Variants in ABCB1 observed in about 807,000 individuals in gnomAD.
ABCB1 encodes the protein ATP-dependent translocase ABCB1.
ABCB1 carries 69 observed loss-of-function variants against 142.0 expected under a neutral mutation model. The ratio of observed to expected loss-of-function variants is 0.49; its 90% CI spans 0.40 to 0.59. The LOEUF (loss-of-function observed/expected upper bound fraction) is 0.59, where lower values mean the gene tolerates loss of function less well. ABCB1 is among the 20% of genes least tolerant of loss of function. ABCB1 has a pLI of 0.00. For missense variants in ABCB1, 1,326 were observed against 1,554.7 expected (o/e 0.85, Z 2.47); for synonymous variants, 532 against 539.2 (o/e 0.99, Z 0.18).
At chr7:87,608,769 T>C (rs1819749122) in intron 1 of ABCB1, among the ~76,000 whole-genome samples, 2 of 152,244 alleles carry the variant, frequency 1.3e-5, no homozygotes, top group Non-Finnish European at 2.9e-5. Context: ...TAACGTTCAC[T>C]CACTTATTTC....
chr7:87,520,802 A>G lies in ABCB1; in HGVS notation c.2760T>C (p.Tyr920=), dbSNP rs1393337469. Residue 920 remains tyrosine, a synonymous_variant, in exon 22 of 28, where the codon TAT becomes TAC. Transcript: ENST00000622132. ...TGTATGGTACCTGCAAACTCTGAGC[A>G]TACATATGTTCAAACTTCTGCTCCT... ...LTQEQKFEHM[Y]AQSLQVPYRN... is the part of the protein sequence containing the mutation. The G allele has an allele frequency of 1.2e-6, 2 of 1,613,976 alleles. No individual in the cohort carries two copies. The highest frequency in any genetic ancestry group is 1.1e-5 in the South Asian group (1 of 91,082).
Position 87,704,816 on chromosome 7 carries a change from A to C in ABCB1, c.-331+8345T>G, listed in dbSNP as rs193268516. 4.6e-5 allele frequency among the ~76,000 whole-genome samples: 7 copies of C among 152,340 alleles called. No individual in the cohort carries two copies. In the East Asian group the frequency reaches 1.3e-3, roughly 29 times the overall value. On this transcript the variant is annotated intron_variant, in intron 1 of 28. Coordinates refer to the ABCB1 transcript ENST00000265724. ...TACCTCTCTTTATTCATTGCAATGA[A>C]AAGAGCAGTTTACTTAATCTACTCA...
At chr7:87,710,687 A>G in intron 1 of ABCB1, 1 of 1,198,714 alleles carries the variant, frequency 8.3e-7, no homozygotes, top group Non-Finnish European at 1.2e-6. Flanking sequence ...TCTAATATAT[A>G]TTTGAAAGAA....
intron 18 of ABCB1, among the ~76,000 whole-genome samples, chr7:87,539,740 A>G (rs1404518620): frequency 2.0e-5 from 3 of 152,132 alleles, no homozygotes; most frequent in Non-Finnish European, 2.9e-5. Flanking sequence ...GCATTTTGCT[A>G]TCTCTAGACT....
intron 24 of ABCB1, 54 bp from the exon 25 acceptor site, chr7:87,515,482 T>C: frequency 6.5e-7 from 1 of 1,532,644 alleles, no homozygotes; most frequent in South Asian, 1.1e-5. Flanking sequence ...GAAAATAAAG[T>C]GTATAGCTAA....
intron 4 of ABCB1, among the ~76,000 whole-genome samples, chr7:87,579,392 T>G (rs1818411412): frequency 6.6e-6 from 1 of 152,192 alleles, no homozygotes; most frequent in Admixed American, 6.5e-5. Context: ...TTATGAATGT[T>G]CCTTCTATAC....
intron 4 of ABCB1, 58 bp downstream of exon 4, chr7:87,585,454 C>T: frequency 1.9e-6 from 3 of 1,569,146 alleles, no homozygotes; most frequent in Middle Eastern, 1.7e-4. Context: ...AAACATCACT[C>T]TAAGTGCTTG....
At chr7:87,636,686 A>G (rs945708148) in intron 1 of ABCB1, among the ~76,000 whole-genome samples, 4 of 152,168 alleles carry the variant, frequency 2.6e-5, no homozygotes, top group Non-Finnish European at 5.9e-5. Flanking sequence ...TTATTTTTAC[A>G]TTTATATCAA....
At chr7:87,705,103 C>A (rs1307092498) in intron 1 of ABCB1, among the ~76,000 whole-genome samples, 4 of 152,100 alleles carry the variant, frequency 2.6e-5, no homozygotes, top group Non-Finnish European at 5.9e-5. Context: ...AGCTTGTCAC[C>A]ATGGACAATC....
At chr7:87,689,389 A>G (rs550873210) in intron 1 of ABCB1, among the ~76,000 whole-genome samples, 128 of 152,180 alleles carry the variant, frequency 8.4e-4, no homozygotes, top group African/African-American at 3.0e-3. Context: ...GCATAGAGCA[A>G]TTTGCAGTAC....
Position 87,520,909 on chromosome 7 carries a change from C to A in ABCB1, c.2686-33G>T, listed in dbSNP as rs1412144982. 3 of 1,516,006 alleles carry A rather than the reference C, an allele frequency of 2.0e-6. No homozygotes were observed. The African/African-American group carries it at 4.1e-5, about 21-fold the overall frequency. The allele number at this position is 1,516,006 out of a possible 1,614,324, so 93.9% of individuals were successfully genotyped here. On this transcript the variant is annotated intron_variant, in intron 21 of 27. Transcript: ENST00000622132. Reference sequence around the variant, plus strand: ...AGACAGCACCGATCACCAAGAGGCACAAGAGTAAATAGTGGTGATTAATTT... The same window carrying A: ...AGACAGCACCGATCACCAAGAGGCAAAAGAGTAAATAGTGGTGATTAATTT...
At chr7:87,598,319 T>A (rs1463166720) in intron 2 of ABCB1, among the ~76,000 whole-genome samples, 1 of 152,220 alleles carries the variant, frequency 6.6e-6, no homozygotes, top group African/African-American at 2.4e-5. Context: ...AGTTTAATTG[T>A]ATACAGACTA....
rs28381734 is a variant in ABCB1, at chr7:87,696,816, G to C, written c.-331+16345C>G. 2.0e-4 allele frequency among the ~76,000 whole-genome samples: 31 copies of C among 152,262 alleles called. No homozygotes were observed. The East Asian group carries it at 5.6e-3, about 27-fold the overall frequency. ...GTCCTGTCAATTGCTTAGTTTCTCA[G>C]TTTGTAATCTGGGAAATCTTTTCAT... On this transcript the variant is annotated intron_variant, in intron 1 of 28. Coordinates refer to the ABCB1 transcript ENST00000265724.
intron 21 of ABCB1, chr7:87,521,688 G>A (rs1336209125): frequency 4.3e-6 from 4 of 939,684 alleles, no homozygotes; most frequent in African/African-American, 1.6e-5. Context: ...TGAATGCAAG[G>A]CCATACAAGG....
intron 14 of ABCB1, among the ~76,000 whole-genome samples, chr7:87,547,723 A>G (rs1342190654): frequency 2.0e-5 from 3 of 151,996 alleles, no homozygotes; most frequent in Admixed American, 2.0e-4. Context: ...TACAAAAATT[A>G]GCCAGGTGTG....
chr7:87,701,210 GA>G (rs1162998618), intron 1 of ABCB1, among the ~76,000 whole-genome samples: 1 of 152,092 alleles, frequency 6.6e-6, no homozygotes, highest in African/African-American at 2.4e-5. Context: ...TTACTGAAAA[GA>G]AAAACTTATA....
intron 1 of ABCB1, among the ~76,000 whole-genome samples, chr7:87,611,778 T>G (rs1819861360): frequency 1.3e-5 from 2 of 152,218 alleles, no homozygotes; most frequent in Non-Finnish European, 2.9e-5. Flanking sequence ...AATCAGGGTA[T>G]GAAGTTTCTC....
chr7:87,553,567 G>A (rs1356644623), intron 9 of ABCB1, among the ~76,000 whole-genome samples, 194 bp downstream of exon 9: 2 of 152,010 alleles, frequency 1.3e-5, no homozygotes, highest in African/African-American at 2.4e-5. Context: ...TGATCTGCCT[G>A]CCTCGGCCTC....
intron 3 of ABCB1, among the ~76,000 whole-genome samples, chr7:87,589,988 AGTAGAAG>A (rs907489050): frequency 6.6e-6 from 1 of 152,220 alleles, no homozygotes; most frequent in African/African-American, 2.4e-5. Context: ...AGGGCAAAGA[AGTAGAAG>A]GTACTGACAG....
Sources: allele counts gnomAD v4.1 joint callset (sites outside exome capture counted in the v4.1 genomes callset), GRCh38; gene constraint gnomAD v4.1.1; transcripts MANE v1.5; gene names NCBI Gene and HGNC (gene_info 2026-07-23, HGNC 2026-07-21).